TADA2B: variants seen among roughly 807,000 people sequenced by gnomAD.
TADA2B encodes transcriptional adapter 2-beta.
Under a neutral mutation model 34.5 loss-of-function variants are expected in TADA2B, and 13 were observed. The observed-to-expected ratio is 0.38, with a 90% CI of 0.25 to 0.60. The LOEUF (loss-of-function observed/expected upper bound fraction) is 0.60, where lower values mean the gene tolerates loss of function less well. TADA2B is among the 20% of genes least tolerant of loss of function. The pLI, the probability that TADA2B is intolerant of heterozygous loss-of-function variation, is 0.65. For missense variants in TADA2B, 442 were observed against 575.0 expected (o/e 0.77, Z 2.37); for synonymous variants, 240 against 243.4 (o/e 0.99, Z 0.13).
intron 1 of TADA2B, among the ~76,000 whole-genome samples, chr4:7,048,999 C>T (rs918606047): frequency 5.3e-5 from 8 of 152,142 alleles, no homozygotes; most frequent in African/African-American, 1.7e-4. Context: ...CACCTCTTGG[C>T]GAATGTGAAC....
At position 7,054,634 on chromosome 4, in the gene TADA2B, A is replaced by G. The variant is rs754582445; in HGVS notation, c.843A>G (p.Glu281=). The change falls in exon 2 of 2, where the codon GAA becomes GAG. Residue 281 remains glutamate, a synonymous_variant. Coordinates refer to ENST00000310074, the MANE Select transcript of TADA2B (RefSeq NM_152293.3). The part of the protein sequence containing the change: ...FDDLFENMHK[E]KMLRAKIREL... ...ACCTTTTTGAAAACATGCACAAAGA[A>G]AAAATGCTCCGGGCCAAGATCCGAG... 2.0e-5 allele frequency: 33 copies of G among 1,613,814 alleles called. No individual in the cohort carries two copies. The highest frequency in any genetic ancestry group is 1.2e-4 in the Admixed American group (7 of 60,004).
chr4:7,054,794 A>G lies in TADA2B; in HGVS notation c.1003A>G (p.Lys335Glu). 2 of 1,613,948 alleles carry G rather than the reference A, an allele frequency of 1.2e-6. No homozygotes were observed. The highest frequency in any genetic ancestry group is 1.7e-6 in the Non-Finnish European group (2 of 1,179,892). The change falls in exon 2 of 2, where the codon AAA becomes GAA. Residue 335 changes from lysine (K) to glutamate (E), a missense_variant. Physicochemically the swap from Lys to Glu is moderately conservative, Grantham distance 56. Transcript: ENST00000310074. ...AGSKRGKEDG[K>E]DSEFAAIENL... The stretch of plus-strand genomic sequence containing the variant: ...CTCCAAACGGGGAAAGGAGGACGGC[A>G]AAGACAGCGAGTTCGCCGCCATTGA...
Position 7,055,128 on chromosome 4 carries a change from G to C in TADA2B, c.*74G>C. On this transcript the variant is annotated 3_prime_UTR_variant, in exon 2 of 2. Coordinates refer to ENST00000310074, the MANE Select transcript of TADA2B (RefSeq NM_152293.3). ...CAAAATGACTTGGGGGAGGGGAGCC[G>C]CTTCCCCACTGTTGCTCTTTTTTAA... 1 of 1,407,950 alleles carries C rather than the reference G, an allele frequency of 7.1e-7. No individual in the cohort carries two copies. Among genetic ancestry groups the C allele is most frequent in the Non-Finnish European group, 9.5e-7 (1 of 1,047,414 alleles). 87.2% of individuals were successfully genotyped at this position (1,407,950 alleles called of 1,614,324 possible).
intron 1 of TADA2B, 78 bp from the exon 2 acceptor site, chr4:7,053,984 A>G (rs1723828921): frequency 6.9e-7 from 1 of 1,459,060 alleles, no homozygotes; most frequent in Non-Finnish European, 9.1e-7. Context: ...GCCTTTGTAA[A>G]AACGTGAAGA....
intron 1 of TADA2B, among the ~76,000 whole-genome samples, chr4:7,044,681 G>A (rs756673117): frequency 6.6e-6 from 1 of 152,102 alleles, no homozygotes; most frequent in Non-Finnish European, 1.5e-5. Flanking sequence ...CCGTATTCCC[G>A]CTCATAACCA....
At position 7,054,380 on chromosome 4, in the gene TADA2B, G is replaced by T. The variant is rs201437381; in HGVS notation, c.589G>T (p.Val197Leu). The change falls in exon 2 of 2, where the codon GTG becomes TTG. Residue 197 changes from valine (V) to leucine (L), a missense_variant. Transcript: ENST00000310074. ...CTCTGTCAACTATGATGACGACGAC[G>T]TGGAGATCGAGCTGAAGCGCGCCCA... ...GLSVNYDDDD[V>L]EIELKRAHVD... The T allele has an allele frequency of 6.2e-7, 1 of 1,613,614 alleles. No homozygotes were observed. Among genetic ancestry groups the T allele is most frequent in the Non-Finnish European group, 8.5e-7 (1 of 1,179,896 alleles).
rs1723864602 is a variant in TADA2B, at chr4:7,055,318, T to C, written c.*264T>C. ...TGATGCTCCGCCTTTACCCGTTCAG[T>C]TGGGAGCTTATTGTGAGATTGGATC... On this transcript the variant is annotated 3_prime_UTR_variant, in exon 2 of 2. Transcript: ENST00000310074. The C allele has an allele frequency of 4.8e-6, 2 of 418,148 alleles. No homozygotes were observed. The highest frequency in any genetic ancestry group is 2.0e-5 in the African/African-American group (1 of 49,268). The allele number at this position is 418,148 out of a possible 1,614,324, so 25.9% of individuals were successfully genotyped here.
chr4:7,053,795 C>A, intron 1 of TADA2B: 1 of 448,780 alleles, frequency 2.2e-6, no homozygotes, highest in South Asian at 3.2e-5. Flanking sequence ...CACCAGCTCA[C>A]CCCAAGACCT....
chr4:7,046,046 G>C (rs1337642149), intron 1 of TADA2B: 1 of 152,256 alleles, frequency 6.6e-6, no homozygotes, highest in Non-Finnish European at 1.5e-5. Flanking sequence ...TGCACAGCGA[G>C]CCTGGCCAGG....
At position 7,055,780 on chromosome 4, in the gene TADA2B, G is replaced by C. The variant is rs191853314; in HGVS notation, c.*726G>C. Reference sequence around the variant, plus strand: ...AGAGCCTGCTGGTTCACTTTGGGTAGAGCCGTGCCTCTTGGGCAGGCTCCC... The same window carrying C: ...AGAGCCTGCTGGTTCACTTTGGGTACAGCCGTGCCTCTTGGGCAGGCTCCC... On this transcript the variant is annotated 3_prime_UTR_variant, in exon 2 of 2. Transcript: ENST00000310074. The C allele has an allele frequency of 6.6e-6, 1 of 152,390 alleles. No individual in the cohort carries two copies. Among genetic ancestry groups the C allele is most frequent in the Admixed American group, 6.5e-5 (1 of 15,306 alleles). 9.4% of individuals were successfully genotyped at this position (152,390 alleles called of 1,614,324 possible). A position where few individuals can be genotyped will look rare whatever the true frequency, so the allele number is the denominator to read the frequency against.
intron 1 of TADA2B, among the ~76,000 whole-genome samples, chr4:7,044,819 G>T (rs141971127): frequency 3.9e-5 from 6 of 152,254 alleles, no homozygotes; most frequent in African/African-American, 1.4e-4. Context: ...CATCCATCTC[G>T]CTGCCACCTC....
rs771033560 is a variant in TADA2B at position 7,054,573 on chromosome 4, C to T, written c.782C>T (p.Pro261Leu). ...AAGGAGCTGCGCCTGAAGCTGAGGC[C>T]GCTGTACCAGTTCATGTCATGCAAG... ...EEKELRLKLR[P>L]LYQFMSCKEF... The change falls in exon 2 of 2, where the codon CCG becomes CTG. Residue 261 changes from proline (P) to leucine (L), a missense_variant. This residue lies in a region of TADA2B where 222 missense variants were observed against 235.2 expected (regional missense o/e 0.94). Coordinates refer to ENST00000310074, the MANE Select transcript of TADA2B (RefSeq NM_152293.3). 3 of 1,613,874 alleles carry T rather than the reference C, an allele frequency of 1.9e-6. No homozygotes were observed. The highest frequency in any genetic ancestry group is 4.5e-5 in the East Asian group (2 of 44,880).
rs776812640 is a variant in TADA2B, at chr4:7,043,642, C to T, written c.63C>T (p.Phe21=). The T allele has an allele frequency of 2.1e-5, 32 of 1,555,994 alleles. No individual in the cohort carries two copies. Among genetic ancestry groups the T allele is most frequent in the Admixed American group, 7.6e-5 (4 of 52,430 alleles). ...TGGCCGAGGTGAGCCCGCTGCGCTT[C>T]CGCTGCACCGAGTGCCAGGACATCG... ...YCLAEVSPLR[F]RCTECQDIEL... is the part of the protein sequence containing the mutation. Residue 21 remains phenylalanine, a synonymous_variant, in exon 1 of 2, where the codon TTC becomes TTT. Coordinates refer to ENST00000310074, the MANE Select transcript of TADA2B (RefSeq NM_152293.3).
chr4:7,044,825 A>G (rs748429732), intron 1 of TADA2B, among the ~76,000 whole-genome samples: 6 of 151,852 alleles, frequency 4.0e-5, no homozygotes, highest in Non-Finnish European at 7.4e-5. Flanking sequence ...TCTCGCTGCC[A>G]CCTCTCCAGC....
At chr4:7,047,165 C>G (rs976353712) in intron 1 of TADA2B, among the ~76,000 whole-genome samples, 2 of 152,172 alleles carry the variant, frequency 1.3e-5, no homozygotes, top group African/African-American at 4.8e-5. Context: ...CACAGGAACA[C>G]AGACGCAAAC....
Position 7,055,174 on chromosome 4 carries a change from T to A in TADA2B, c.*120T>A, listed in dbSNP as rs1577218135. On this transcript the variant is annotated 3_prime_UTR_variant, in exon 2 of 2. Coordinates refer to ENST00000310074, the MANE Select transcript of TADA2B (RefSeq NM_152293.3). ...TTTAAACAAATTGAGTTCCTTTTTT[T>A]AAGATAGAAATTCTTTTCATGGTCC... The A allele has an allele frequency of 6.7e-6, 7 of 1,049,002 alleles. No individual in the cohort carries two copies. The highest frequency in any genetic ancestry group is 8.1e-6 in the Non-Finnish European group (6 of 737,740). 65.0% of individuals were successfully genotyped at this position (1,049,002 alleles called of 1,614,324 possible).
intron 1 of TADA2B, among the ~76,000 whole-genome samples, chr4:7,046,607 A>G (rs1723636567): frequency 6.6e-6 from 1 of 152,218 alleles, no homozygotes; most frequent in East Asian, 1.9e-4. Flanking sequence ...CTGGGAGGCC[A>G]TCGGTGCCAC....
In TADA2B at chr4:7,056,562, C is replaced by A. The variant is rs925665938; in HGVS notation, c.*1508C>A. On this transcript the variant is annotated 3_prime_UTR_variant, in exon 2 of 2. Coordinates refer to ENST00000310074, the MANE Select transcript of TADA2B (RefSeq NM_152293.3). ...TCTAAGGATGACTTAATTACTGTGC[C>A]TTTTCCTTTCTTTTTACACATCCTA... 1 of 152,194 alleles carries A rather than the reference C, an allele frequency of 6.6e-6. No individual in the cohort carries two copies. The highest frequency in any genetic ancestry group is 6.5e-5 in the Admixed American group (1 of 15,278). The allele number at this position is 152,194 out of a possible 1,614,324, so 9.4% of individuals were successfully genotyped here.
At chr4:7,047,907 G>C (rs1214144560) in intron 1 of TADA2B, among the ~76,000 whole-genome samples, 1 of 152,210 alleles carries the variant, frequency 6.6e-6, no homozygotes, top group Non-Finnish European at 1.5e-5. Context: ...CAGGTGCTTT[G>C]ACACGCGCCC....
Sources: allele counts gnomAD v4.1 joint callset (sites outside exome capture counted in the v4.1 genomes callset), GRCh38; gene constraint gnomAD v4.1.1; regional missense constraint gnomAD v4.1.1; transcripts MANE v1.5; gene names NCBI Gene and HGNC (gene_info 2026-07-23, HGNC 2026-07-21).